DSCAM: variants seen among roughly 807,000 people sequenced by gnomAD.
The protein encoded by DSCAM is cell adhesion molecule DSCAM.
DSCAM carries 47 observed loss-of-function variants against 217.7 expected under a neutral mutation model. The observed-to-expected ratio is 0.22, with a 90% confidence interval of 0.17 to 0.28. DSCAM has a LOEUF of 0.28. Ranked by LOEUF, DSCAM falls within the 10% of genes least tolerant of loss-of-function variation. The pLI, the probability that DSCAM is intolerant of heterozygous loss-of-function variation, is 1.00. For missense variants in DSCAM, 2,080 were observed against 2,618.3 expected (o/e 0.79, Z 4.49); for synonymous variants, 1,056 against 1,015.3 (o/e 1.04, Z -0.76).
At chr21:40,773,070 G>C (rs2091460299) in intron 1 of DSCAM, among the ~76,000 whole-genome samples, 1 of 152,220 alleles carries the variant, frequency 6.6e-6, no homozygotes, top group Non-Finnish European at 1.5e-5. Context: ...TGTGAGGTCA[G>C]ACAGAGGCCA....
chr21:40,708,475 G>C lies in DSCAM; in HGVS notation c.340C>G (p.Gln114Glu). 1 of 1,510,428 alleles carries C rather than the reference G, an allele frequency of 6.6e-7. No individual in the cohort carries two copies. 93.6% of individuals were successfully genotyped at this position (1,510,428 alleles called of 1,614,324 possible). A position where few individuals can be genotyped will look rare whatever the true frequency, so the allele number is the denominator to read the frequency against. Reference protein sequence around the residue: ...AENPSGKIRSQDVHIKAVLRE... With the variant: ...AENPSGKIRSEDVHIKAVLRE... The stretch of plus-strand genomic sequence containing the variant: ...TCACCAGCCTTGATGTGGACATCCT[G>C]ACTTCTAATTTTCCCTGAAGGATTT... Residue 114 changes from glutamine to glutamate, a missense_variant, in exon 2 of 33, where the codon CAG (glutamine) becomes GAG (glutamate). Around this residue, in one of 5 missense-constraint regions of DSCAM, gnomAD observed 568 missense variants for 678.1 expected, o/e 0.84. Transcript: ENST00000400454.
At chr21:40,739,954 ATTTTTTTTTTTTTTTTTTT>A (rs56815777) in intron 1 of DSCAM, among the ~76,000 whole-genome samples, 3 of 58,932 alleles carry the variant, frequency 5.1e-5, no homozygotes, top group African/African-American at 1.3e-4. Flanking sequence ...TGCAGGTGTA[ATTTTTTTTTTTTTTTTTTT>A]TTTTTTTTTT....
chr21:40,151,195 T>C (rs187370864), intron 16 of DSCAM, among the ~76,000 whole-genome samples: 28 of 152,288 alleles, frequency 1.8e-4, no homozygotes, highest in Non-Finnish European at 1.6e-4. Context: ...CCCAACTGTC[T>C]TACATATTCC....
chr21:40,497,166 A>G (rs2076125493), intron 3 of DSCAM, among the ~76,000 whole-genome samples: 1 of 152,234 alleles, frequency 6.6e-6, no homozygotes, highest in Admixed American at 6.5e-5. Context: ...TGTGAATTAA[A>G]TCAGCGTATC....
intron 3 of DSCAM, among the ~76,000 whole-genome samples, chr21:40,520,859 T>C (rs933684357): frequency 8.5e-5 from 13 of 152,154 alleles, no homozygotes; most frequent in Non-Finnish European, 1.6e-4. Context: ...GTAGTGTGTA[T>C]ATAAGGAATT....
chr21:40,490,992 C>A lies in DSCAM; in HGVS notation c.509-121747G>T, dbSNP rs368147917. ...CCATTATTCTTTTACGTGACTTGGG[C>A]ACATGAGGAATTCAAACATAAAACT... On this transcript the variant is annotated intron_variant, in intron 3 of 32. Coordinates refer to ENST00000400454, the MANE Select transcript of DSCAM (RefSeq NM_001389.5). Among the ~76,000 whole-genome samples, 40 of 152,268 alleles carry A rather than the reference C, an allele frequency of 2.6e-4. No individual in the cohort carries two copies. In the East Asian group the frequency reaches 7.3e-3, roughly 28 times the overall value.
intron 3 of DSCAM, among the ~76,000 whole-genome samples, chr21:40,645,684 C>T (rs1326658967): frequency 2.0e-5 from 3 of 152,120 alleles, no homozygotes. Context: ...GAGGTAAATA[C>T]TCCTGTAATT....
In DSCAM at chr21:40,792,938, T is replaced by C. The variant is rs149388782; in HGVS notation, c.43+53681A>G. The stretch of plus-strand genomic sequence containing the variant: ...GATGGATGATGAGTGTTCAGTTTGT[T>C]ATGAGATTCTGGGGAGGAGGGGAGC... On this transcript the variant is annotated intron_variant, in intron 1 of 32. Transcript: ENST00000400454. 2.6e-5 allele frequency among the ~76,000 whole-genome samples: 4 copies of C among 152,280 alleles called. No individual in the cohort carries two copies. In the East Asian group the frequency reaches 5.8e-4, roughly 22 times the overall value.
chr21:40,766,072 T>G (rs547682308), intron 1 of DSCAM, among the ~76,000 whole-genome samples: 3 of 152,344 alleles, frequency 2.0e-5, no homozygotes, highest in Admixed American at 2.0e-4. Context: ...ATTTTAGCAC[T>G]TCATAAATTT....
At chr21:40,369,350 T>C (rs761171093) in intron 3 of DSCAM, 105 bp from the exon 4 acceptor site, 4 of 1,197,492 alleles carry the variant, frequency 3.3e-6, no homozygotes, top group Admixed American at 2.6e-5. Flanking sequence ...CTGAAGAAAC[T>C]TAATGAAAAG....
At chr21:40,835,240 G>A (rs566967729) in intron 1 of DSCAM, among the ~76,000 whole-genome samples, 41 of 152,106 alleles carry the variant, frequency 2.7e-4, no homozygotes, top group East Asian at 7.7e-4. Context: ...TGCCCTTTCC[G>A]TGGCAGAAAG....
intron 1 of DSCAM, among the ~76,000 whole-genome samples, chr21:40,844,046 A>G (rs1369250576): frequency 6.6e-6 from 1 of 152,176 alleles, no homozygotes; most frequent in East Asian, 1.9e-4. Flanking sequence ...AGGTATTAGA[A>G]TTCATCAATC....
At chr21:40,385,660 T>A (rs111839515) in intron 3 of DSCAM, among the ~76,000 whole-genome samples, 2,451 of 152,300 alleles carry the variant, frequency 0.016, 64 homozygotes, top group African/African-American at 0.057. Context: ...TGTAGGCTGT[T>A]AATGTGGCTG....
At chr21:40,335,464 A>T (rs926031955) in intron 8 of DSCAM, among the ~76,000 whole-genome samples, 1 of 152,184 alleles carries the variant, frequency 6.6e-6, no homozygotes, top group Non-Finnish European at 1.5e-5. Context: ...CTTCAAAAGG[A>T]TTAAGATGAA....
Position 40,080,062 on chromosome 21 carries a change from G to A in DSCAM, c.4420+90C>T, listed in dbSNP as rs116796168. 2.7e-3 allele frequency: 3,237 copies of A among 1,218,188 alleles called. 166 individuals are homozygous for A. The African/African-American group carries it at 0.042, about 16-fold the overall frequency. The allele number at this position is 1,218,188 out of a possible 1,614,324, so 75.5% of individuals were successfully genotyped here. ...AATGACAAAGTTCAAACACATAAAC[G>A]TAAAACATGATGGATCTTTTATGAT... On this transcript the variant is annotated intron_variant, in intron 25 of 32. Transcript: ENST00000400454.
At chr21:40,021,670 C>T (rs1386635361) in intron 32 of DSCAM, among the ~76,000 whole-genome samples, 3 of 152,160 alleles carry the variant, frequency 2.0e-5, no homozygotes, top group Non-Finnish European at 4.4e-5. Context: ...TGTTGCTGCC[C>T]TCTGGGGACC....
chr21:40,445,338 G>A (rs2075665838), intron 3 of DSCAM, among the ~76,000 whole-genome samples: 1 of 152,154 alleles, frequency 6.6e-6, no homozygotes, highest in Non-Finnish European at 1.5e-5. Flanking sequence ...AGTTCACTCT[G>A]GGATAATGCA....
chr21:40,583,755 G>A (rs1304473787), intron 3 of DSCAM, among the ~76,000 whole-genome samples: 1 of 152,014 alleles, frequency 6.6e-6, no homozygotes, highest in Non-Finnish European at 1.5e-5. Context: ...TTTCAAGGCA[G>A]GTTCATTGAT....
At chr21:40,141,304 C>T (rs999225059) in intron 18 of DSCAM, among the ~76,000 whole-genome samples, 4 of 152,220 alleles carry the variant, frequency 2.6e-5, no homozygotes, top group Non-Finnish European at 4.4e-5. Flanking sequence ...AGGGATCACA[C>T]CCAGTCAGAG....
Sources: gnomAD v4.1 joint callset for allele counts (sites outside exome capture counted in the v4.1 genomes callset) on GRCh38, gnomAD v4.1.1 for gene constraint, gnomAD v4.1.1 regional missense constraint, MANE v1.5 for transcripts, NCBI Gene and HGNC (gene_info 2026-07-23, HGNC 2026-07-21) for gene names.